The following CHKA variants were observed in gnomAD, a reference collection of about 807,000 sequenced individuals.
CHKA encodes CHETK-alpha.
CHKA carries 34 observed loss-of-function variants against 60.1 expected under a neutral mutation model. That is an observed-to-expected ratio of 0.57 (90% CI 0.43 to 0.75). The LOEUF is 0.75. Among genes scored for constraint, CHKA ranks in the 30% least tolerant of loss-of-function variants. The pLI is 0.00. For missense variants in CHKA, 563 were observed against 561.3 expected (o/e 1.00, Z -0.03); for synonymous variants, 217 against 223.1 (o/e 0.97, Z 0.24).
intron 2 of CHKA, 152 bp downstream of exon 2, chr11:68,096,867 G>C: frequency 1.9e-6 from 1 of 515,036 alleles, no homozygotes; most frequent in African/African-American, 1.9e-5. Context: ...ACCAAGCTGT[G>C]CAGCCCAATT....
chr11:68,098,089 T>C (rs576450747), intron 1 of CHKA, among the ~76,000 whole-genome samples: 22 of 151,960 alleles, frequency 1.4e-4, no homozygotes, highest in South Asian at 2.1e-4. Flanking sequence ...CTGGCCAACA[T>C]GGTGAAAGCC....
Position 68,066,532 on chromosome 11 carries a change from A to G in CHKA, c.929-16T>C. ...AAGATATTACCTGCAAAAGGTTTGGATAACATGGTTTATGTTTTACAATAG... is the reference window on the plus strand; with the variant it reads ...AAGATATTACCTGCAAAAGGTTTGGGTAACATGGTTTATGTTTTACAATAG... On this transcript the variant is annotated splice_polypyrimidine_tract_variant and intron_variant, in intron 7 of 11. Coordinates refer to ENST00000265689, the MANE Select transcript of CHKA (RefSeq NM_001277.3). 5 of 1,600,754 alleles carry G rather than the reference A, an allele frequency of 3.1e-6. No homozygotes were observed. Among genetic ancestry groups the G allele is most frequent in the Non-Finnish European group, 4.3e-6 (5 of 1,167,876 alleles).
chr11:68,082,916 T>C (rs920543248), intron 2 of CHKA, among the ~76,000 whole-genome samples: 4 of 152,210 alleles, frequency 2.6e-5, no homozygotes, highest in Non-Finnish European at 5.9e-5. Context: ...ATGAAAGCTA[T>C]AAAAATCAAA....
intron 2 of CHKA, among the ~76,000 whole-genome samples, chr11:68,095,981 A>G (rs1857502620): frequency 6.6e-6 from 1 of 151,614 alleles, no homozygotes; most frequent in Non-Finnish European, 1.5e-5. Flanking sequence ...CAGAGGCTGC[A>G]GTGAGCCGAG....
intron 1 of CHKA, among the ~76,000 whole-genome samples, chr11:68,120,398 G>A (rs999231633): frequency 3.5e-4 from 54 of 152,244 alleles, no homozygotes; most frequent in African/African-American, 1.3e-3. Flanking sequence ...ATCAAATCGC[G>A]AACTCGAAAA....
At chr11:68,057,259 T>C (rs1349991736) in intron 11 of CHKA, among the ~76,000 whole-genome samples, 1 of 152,212 alleles carries the variant, frequency 6.6e-6, no homozygotes, top group Non-Finnish European at 1.5e-5. Context: ...ACTCTATTTT[T>C]TCCTCTTTTA....
chr11:68,063,703 G>A (rs936259294), intron 10 of CHKA, among the ~76,000 whole-genome samples: 2 of 152,066 alleles, frequency 1.3e-5, no homozygotes, highest in Non-Finnish European at 2.9e-5. Context: ...CTGGCAGGAG[G>A]TGATTAGATC....
chr11:68,078,035 A>C (rs1856848485), intron 3 of CHKA, among the ~76,000 whole-genome samples: 1 of 152,150 alleles, frequency 6.6e-6, no homozygotes, highest in South Asian at 2.1e-4. Flanking sequence ...TACAGCTCAC[A>C]AACTGGGTTC....
intron 1 of CHKA, among the ~76,000 whole-genome samples, chr11:68,119,594 C>T (rs764992461): frequency 1.2e-4 from 18 of 152,140 alleles, no homozygotes; most frequent in Non-Finnish European, 2.4e-4. Flanking sequence ...CTCAGCCTCC[C>T]AAGTAGCTGG....
chr11:68,120,714 C>CCCGGCT (rs944594337), intron 1 of CHKA, 114 bp downstream of exon 1: 1 of 204,738 alleles, frequency 4.9e-6, no homozygotes, highest in Non-Finnish European at 9.4e-6. Context: ...CCGCCCCGGC[C>CCCGGCT]CCGGCTCCCC....
chr11:68,069,425 G>A (rs1010592736), intron 6 of CHKA, among the ~76,000 whole-genome samples: 13 of 152,094 alleles, frequency 8.5e-5, no homozygotes, highest in South Asian at 2.1e-4. Flanking sequence ...GGTGGCTCGC[G>A]CCTGTAATCC....
In CHKA at chr11:68,069,576, C is replaced by T. The variant is rs146717856; in HGVS notation, c.869+613G>A. Among the ~76,000 whole-genome samples the T allele has an allele frequency of 7.9e-5, 12 of 151,716 alleles. No homozygotes were observed. The East Asian group carries it at 2.3e-3, about 29-fold the overall frequency. ...GCGCATGCCTGTAGTTCCAGCTACT[C>T]GGGAGGCTGAGGCAGGAGAATCACT... On this transcript the variant is annotated intron_variant, in intron 6 of 11. Transcript: ENST00000265689.
chr11:68,089,425 A>G (rs974983785), intron 2 of CHKA, among the ~76,000 whole-genome samples: 2 of 152,196 alleles, frequency 1.3e-5, no homozygotes, highest in Non-Finnish European at 2.9e-5. Context: ...GACAAAGAAG[A>G]AGGTTTGTTT....
intron 1 of CHKA, among the ~76,000 whole-genome samples, chr11:68,113,478 C>T (rs1041942297): frequency 1.1e-4 from 16 of 152,010 alleles, no homozygotes; most frequent in African/African-American, 3.1e-4. Context: ...GGGCAGATCA[C>T]GTGGGTCAGG....
intron 4 of CHKA, among the ~76,000 whole-genome samples, chr11:68,072,904 A>G (rs551747585): frequency 4.6e-5 from 7 of 152,246 alleles, no homozygotes; most frequent in Non-Finnish European, 1.0e-4. Context: ...CTAAGGCAGA[A>G]AGATCACTTG....
chr11:68,061,919 G>T (rs1444044487), intron 11 of CHKA, 34 bp downstream of exon 11: 65 of 1,098,632 alleles, frequency 5.9e-5, no homozygotes, highest in Middle Eastern at 2.2e-4. Context: ...GGAGTAGGAA[G>T]AAAAAAAAAA....
At chr11:68,066,681 C>T (rs1207889623) in intron 7 of CHKA, among the ~76,000 whole-genome samples, 165 bp from the exon 8 acceptor site, 2 of 152,202 alleles carry the variant, frequency 1.3e-5, no homozygotes, top group African/African-American at 2.4e-5. Flanking sequence ...GAAGTGCTCA[C>T]GGGAGGCATA....
chr11:68,109,625 G>C (rs1431628683), intron 1 of CHKA, among the ~76,000 whole-genome samples: 1 of 152,138 alleles, frequency 6.6e-6, no homozygotes, highest in Non-Finnish European at 1.5e-5. Context: ...AAAAGACTGA[G>C]ACCTCACCAT....
intron 10 of CHKA, among the ~76,000 whole-genome samples, chr11:68,062,741 T>C (rs2134504986): frequency 6.6e-6 from 1 of 152,346 alleles, no homozygotes; most frequent in South Asian, 2.1e-4. Context: ...TCCCGTGTGC[T>C]ACCCTTTCTG....
Sources: gnomAD v4.1 joint callset for allele counts (sites outside exome capture counted in the v4.1 genomes callset) on GRCh38, gnomAD v4.1.1 for gene constraint, MANE v1.5 for transcripts, NCBI Gene and HGNC (gene_info 2026-07-23, HGNC 2026-07-21) for gene names.